The following CLVS1 variants were observed in gnomAD, a reference collection of about 807,000 sequenced individuals.
CLVS1 encodes clavesin 1.
A neutral mutation model predicts 33.1 loss-of-function variants in CLVS1; 10 were observed. The ratio of observed to expected loss-of-function variants is 0.30; its 90% CI spans 0.19 to 0.51. CLVS1 has a LOEUF of 0.51. Ranked by LOEUF, CLVS1 falls within the 20% of genes least tolerant of loss-of-function variation. The probability of loss-of-function intolerance (pLI) is 0.97; values close to 1 mark genes in which losing one functional copy is unlikely to be tolerated. For missense variants in CLVS1, 343 were observed against 433.4 expected, an observed-to-expected ratio of 0.79 and a Z score of 1.85; for synonymous variants, 163 against 166.1, an observed-to-expected ratio of 0.98 and a Z score of 0.14.
intron 2 of CLVS1, among the ~76,000 whole-genome samples, chr8:61,143,300 C>T (rs900849793): frequency 6.6e-6 from 1 of 152,066 alleles, no homozygotes; most frequent in Non-Finnish European, 1.5e-5. Context: ...CACAATAAGC[C>T]CCAGGATTCG....
chr8:61,026,138 A>T, the CLVS1 span, among the ~76,000 whole-genome samples: 1 of 152,044 alleles, frequency 6.6e-6, no homozygotes, highest in African/African-American at 2.4e-5. Flanking sequence ...TTAAGTTAGA[A>T]TAAGGTTATT....
intron 2 of CLVS1, among the ~76,000 whole-genome samples, chr8:61,223,200 A>G (rs1469237052): frequency 6.6e-6 from 1 of 152,120 alleles, no homozygotes. Flanking sequence ...ACTGTTATGT[A>G]TGAATTTGAT....
chr8:61,017,345 C>T, the CLVS1 span, among the ~76,000 whole-genome samples: 3 of 152,316 alleles, frequency 2.0e-5, no homozygotes, highest in African/African-American at 7.2e-5. Flanking sequence ...TTATGGTATG[C>T]CGTGGGTGCC....
intron 3 of CLVS1, among the ~76,000 whole-genome samples, chr8:61,425,452 A>G (rs189506654): frequency 1.8e-4 from 28 of 152,330 alleles, no homozygotes; most frequent in Non-Finnish European, 2.9e-5. Context: ...AGTTTTATTT[A>G]GACATAATTC....
At chr8:61,028,485 G>C in the CLVS1 span, among the ~76,000 whole-genome samples, 3 of 152,204 alleles carry the variant, frequency 2.0e-5, no homozygotes, top group South Asian at 2.1e-4. Context: ...AGGACATTTA[G>C]AATTCTAGGC....
chr8:61,094,155 C>T (rs1284210922), intron 1 of CLVS1, among the ~76,000 whole-genome samples: 1 of 152,202 alleles, frequency 6.6e-6, no homozygotes, highest in East Asian at 1.9e-4. Flanking sequence ...TGTGAATGGA[C>T]TCTCTTCTGC....
At chr8:61,215,842 G>T (rs1187706088) in intron 2 of CLVS1, among the ~76,000 whole-genome samples, 1 of 152,050 alleles carries the variant, frequency 6.6e-6, no homozygotes, top group African/African-American at 2.4e-5. Context: ...GAGTGCTGTT[G>T]CTACTCAGGA....
At chr8:61,288,580 AG>A (rs1336427826) in intron 1 of CLVS1, among the ~76,000 whole-genome samples, 2 of 152,238 alleles carry the variant, frequency 1.3e-5, no homozygotes, top group Admixed American at 6.5e-5. Flanking sequence ...TGAAGGCAGG[AG>A]GGAGAGACCC....
At chr8:61,120,895 C>T (rs1219597955) in intron 1 of CLVS1, among the ~76,000 whole-genome samples, 1 of 147,988 alleles carries the variant, frequency 6.8e-6, no homozygotes. Context: ...CTGTGGTAGG[C>T]TCCACCCATT....
chr8:61,378,724 C>T (rs1813748941), intron 3 of CLVS1, among the ~76,000 whole-genome samples: 1 of 152,216 alleles, frequency 6.6e-6, no homozygotes, highest in Non-Finnish European at 1.5e-5. Flanking sequence ...GACAATTCTG[C>T]TCTTGCCCAC....
intron 2 of CLVS1, among the ~76,000 whole-genome samples, chr8:61,232,307 A>G (rs10088219): frequency 0.022 from 3,363 of 152,050 alleles, 131 homozygotes; most frequent in African/African-American, 0.077. Flanking sequence ...AAGTGCTGGT[A>G]TTACAGGCGT....
chr8:61,452,024 T>C (rs898937693), intron 3 of CLVS1, among the ~76,000 whole-genome samples: 1 of 152,242 alleles, frequency 6.6e-6, no homozygotes, highest in African/African-American at 2.4e-5. Flanking sequence ...TGTGTTTGTC[T>C]GCACATATTC....
At chr8:61,323,381 G>T (rs1242248722) in intron 2 of CLVS1, among the ~76,000 whole-genome samples, 1 of 152,172 alleles carries the variant, frequency 6.6e-6, no homozygotes, top group South Asian at 2.1e-4. Context: ...GATACAAGGG[G>T]TAAGGAAGTC....
intron 2 of CLVS1, among the ~76,000 whole-genome samples, chr8:61,329,186 T>C (rs1409558528): frequency 6.6e-6 from 1 of 151,354 alleles, no homozygotes; most frequent in Non-Finnish European, 1.5e-5. Flanking sequence ...GTAGGCAGCA[T>C]CTTCCTACCC....
chr8:61,390,859 C>T (rs1253153870), intron 3 of CLVS1: 1 of 151,910 alleles, frequency 6.6e-6, no homozygotes, highest in East Asian at 1.9e-4. Context: ...TTTTGCTGTT[C>T]TTTTTAAAAG....
At chr8:61,354,323 G>A (rs1006782706) in intron 2 of CLVS1, among the ~76,000 whole-genome samples, 2 of 151,948 alleles carry the variant, frequency 1.3e-5, no homozygotes, top group African/African-American at 4.8e-5. Flanking sequence ...ACCAACTGTT[G>A]TTGAGGATAT....
intron 2 of CLVS1, among the ~76,000 whole-genome samples, chr8:61,270,758 G>C (rs950290791): frequency 6.6e-6 from 1 of 152,086 alleles, no homozygotes; most frequent in Non-Finnish European, 1.5e-5. Flanking sequence ...TGTATGTGTC[G>C]AGGAATTTAT....
chr8:61,076,452 T>C (rs565842772), intron 1 of CLVS1, among the ~76,000 whole-genome samples: 1 of 152,308 alleles, frequency 6.6e-6, no homozygotes, highest in Admixed American at 6.5e-5. Flanking sequence ...CTGTAATCTC[T>C]CTCTCCTTCT....
At chr8:60,997,084 T>A in the CLVS1 span, among the ~76,000 whole-genome samples, 1 of 152,072 alleles carries the variant, frequency 6.6e-6, no homozygotes, top group Non-Finnish European at 1.5e-5. Context: ...TAAATTTGGA[T>A]TTTGGGAAAA....
Sources: gnomAD v4.1 joint callset for allele counts (sites outside exome capture counted in the v4.1 genomes callset) on GRCh38, gnomAD v4.1.1 for gene constraint, MANE v1.5 for transcripts, NCBI Gene and HGNC (gene_info 2026-07-23, HGNC 2026-07-21) for gene names.